The following PLD5 variants were observed in gnomAD, a reference collection of about 807,000 sequenced individuals.
PLD5 encodes the protein inactive phospholipase D5.
In PLD5, 36 loss-of-function variants were observed where a neutral mutation model predicts 61.1. That is an observed-to-expected ratio of 0.59 (90% CI 0.45 to 0.78). The LOEUF (loss-of-function observed/expected upper bound fraction) is 0.78, where lower values mean the gene tolerates loss of function less well. PLD5 is among the 30% of genes least tolerant of loss of function. PLD5 has a pLI of 0.00. For missense variants in PLD5, 515 were observed against 644.4 expected, an observed-to-expected ratio of 0.80 and a Z score of 2.17; for synonymous variants, 243 against 242.8, an observed-to-expected ratio of 1.00 and a Z score of -0.01.
intron 5 of PLD5, among the ~76,000 whole-genome samples, chr1:242,194,614 C>CTATCTATCTATCTATG (rs1264104648): frequency 1.6e-5 from 1 of 62,604 alleles, no homozygotes; most frequent in Non-Finnish European, 3.2e-5. Flanking sequence ...ATGTATCTAT[C>CTATCTATCTATCTATG]TATGTATCTA....
chr1:242,317,356 T>G (rs1308136221), intron 2 of PLD5, among the ~76,000 whole-genome samples: 1 of 152,238 alleles, frequency 6.6e-6, no homozygotes, highest in African/African-American at 2.4e-5. Context: ...ATGTCTTTGC[T>G]GTTGTGAATG....
intron 2 of PLD5, among the ~76,000 whole-genome samples, chr1:242,309,040 C>T (rs1676540012): frequency 6.6e-6 from 1 of 151,964 alleles, no homozygotes; most frequent in South Asian, 2.1e-4. Flanking sequence ...GAGGAAGAAA[C>T]TTATGAGAAA....
chr1:242,220,707 A>ATATTT (rs71570944), intron 4 of PLD5, among the ~76,000 whole-genome samples: 22,632 of 107,630 alleles, frequency 0.21, 2,019 homozygotes, highest in Middle Eastern at 0.44. Flanking sequence ...TTTTTAATTT[A>ATATTT]TATTTTATTT....
At chr1:242,128,895 A>C (rs1378112781) in intron 5 of PLD5, among the ~76,000 whole-genome samples, 2 of 152,232 alleles carry the variant, frequency 1.3e-5, no homozygotes. Flanking sequence ...GAAAAGGCAC[A>C]GGCAAATATT....
At chr1:242,345,357 G>A (rs919271986) in intron 2 of PLD5, among the ~76,000 whole-genome samples, 3 of 152,206 alleles carry the variant, frequency 2.0e-5, no homozygotes, top group Admixed American at 6.5e-5. Context: ...TGTTAACTGC[G>A]TTAGGCTAGC....
At chr1:242,350,724 C>G (rs1031212595) in intron 1 of PLD5, among the ~76,000 whole-genome samples, 3 of 151,776 alleles carry the variant, frequency 2.0e-5, no homozygotes, top group African/African-American at 7.3e-5. Context: ...TGTTTCAAAT[C>G]CTCCTTCAGG....
chr1:242,441,736 G>A (rs554211243), intron 1 of PLD5, among the ~76,000 whole-genome samples: 29 of 152,112 alleles, frequency 1.9e-4, no homozygotes, highest in Middle Eastern at 6.8e-3. Flanking sequence ...CCTAGGCAGG[G>A]GAGCCACCGA....
intron 1 of PLD5, among the ~76,000 whole-genome samples, chr1:242,425,329 C>A (rs1314350747): frequency 6.6e-6 from 1 of 152,124 alleles, no homozygotes; most frequent in Non-Finnish European, 1.5e-5. Context: ...ATGTAACTGT[C>A]CTGAATACCG....
chr1:242,311,215 T>C (rs1295460584), intron 2 of PLD5, among the ~76,000 whole-genome samples: 5 of 152,216 alleles, frequency 3.3e-5, no homozygotes, highest in African/African-American at 1.2e-4. Flanking sequence ...AAAGTTTTTT[T>C]GGTGTTCAGT....
At chr1:242,471,916 T>C (rs1667458948) in intron 1 of PLD5, among the ~76,000 whole-genome samples, 1 of 152,248 alleles carries the variant, frequency 6.6e-6, no homozygotes, top group South Asian at 2.1e-4. Context: ...TTTGCTTTAA[T>C]TAAGTCAGTG....
At chr1:242,369,528 C>T (rs532231783) in intron 1 of PLD5, among the ~76,000 whole-genome samples, 1 of 152,178 alleles carries the variant, frequency 6.6e-6, no homozygotes, top group African/African-American at 2.4e-5. Context: ...TGTGAAGCCA[C>T]TAAAATGTGC....
rs116660459 is a variant in PLD5, at chr1:242,199,640, G to A, written c.735+20348C>T. Among the ~76,000 whole-genome samples, 66 of 152,206 alleles carry A rather than the reference G, an allele frequency of 4.3e-4. 1 individual carries two copies. The highest frequency in any genetic ancestry group is 1.5e-3 in the African/African-American group (64 of 41,542). ...TGTATCCACTGAAGGAACATGCAAT[G>A]TACCCACCAAACAACTACCCACTAT... On this transcript the variant is annotated intron_variant, in intron 5 of 9. Transcript: ENST00000536534.
rs1558474844 is a variant in PLD5, at chr1:242,335,054, G to A, written c.326+13052C>T. 2.0e-5 allele frequency among the ~76,000 whole-genome samples: 3 copies of A among 151,976 alleles called. No homozygotes were observed. In the South Asian group the frequency reaches 6.2e-4, roughly 32 times the overall value. On this transcript the variant is annotated intron_variant, in intron 2 of 9. Coordinates refer to ENST00000536534, the MANE Select transcript of PLD5 (RefSeq NM_001372062.1). ...GTTTGGGTCTGACCACCTCTCTACAGTTTTTATTTTATTTCTGTGAGACCC... is the reference window on the plus strand; with the variant it reads ...GTTTGGGTCTGACCACCTCTCTACAATTTTTATTTTATTTCTGTGAGACCC...
intron 1 of PLD5, among the ~76,000 whole-genome samples, chr1:242,511,378 T>C (rs1397804114): frequency 1.3e-5 from 2 of 152,234 alleles, no homozygotes; most frequent in Non-Finnish European, 2.9e-5. Flanking sequence ...TGGGACTTCA[T>C]GTCTAGCTTC....
chr1:242,472,060 C>T (rs534670274), intron 1 of PLD5, among the ~76,000 whole-genome samples: 1 of 152,108 alleles, frequency 6.6e-6, no homozygotes, highest in Non-Finnish European at 1.5e-5. Flanking sequence ...CTTGGTGTTG[C>T]AAAAATATCT....
At position 242,179,726 on chromosome 1, in the gene PLD5, A is replaced by T. The variant is rs546127974; in HGVS notation, c.735+40262T>A. 1.6e-4 allele frequency among the ~76,000 whole-genome samples: 24 copies of T among 152,306 alleles called. No individual in the cohort carries two copies. In the South Asian group the frequency reaches 5.0e-3, roughly 32 times the overall value. ...GAGACCATCCTGGCCAGCAAGGTGA[A>T]ACCCCATCTCTACTAAAAATACAAA... On this transcript the variant is annotated intron_variant, in intron 5 of 9. Coordinates refer to ENST00000536534, the MANE Select transcript of PLD5 (RefSeq NM_001372062.1).
intron 5 of PLD5, among the ~76,000 whole-genome samples, chr1:242,175,637 T>C (rs1252722280): frequency 7.2e-5 from 11 of 152,172 alleles, no homozygotes; most frequent in African/African-American, 2.4e-4. Context: ...CGTATTCAAA[T>C]AGGAAGAGAG....
chr1:242,114,576 A>G (rs1400610663), intron 6 of PLD5, among the ~76,000 whole-genome samples: 1 of 152,200 alleles, frequency 6.6e-6, no homozygotes, highest in Admixed American at 6.5e-5. Context: ...AGGCAAGCAA[A>G]GCTTCATCTG....
At chr1:242,319,687 G>T in intron 2 of PLD5, among the ~76,000 whole-genome samples, 1 of 152,098 alleles carries the variant, frequency 6.6e-6, no homozygotes, top group East Asian at 1.9e-4. Flanking sequence ...ATCTTCTCAG[G>T]TATGGGACAA....
Sources: gnomAD v4.1 joint callset for allele counts (sites outside exome capture counted in the v4.1 genomes callset) on GRCh38, gnomAD v4.1.1 for gene constraint, MANE v1.5 for transcripts, NCBI Gene and HGNC (gene_info 2026-07-23, HGNC 2026-07-21) for gene names.